The following STXBP6 variants were observed in gnomAD, a reference collection of about 807,000 sequenced individuals.
The protein encoded by STXBP6 is syntaxin binding protein 6.
Under a neutral mutation model 26.9 loss-of-function variants are expected in STXBP6, and 21 were observed. The ratio of observed to expected loss-of-function variants is 0.78; its 90% CI spans 0.55 to 1.12. STXBP6 has a LOEUF of 1.12. Ranked by LOEUF, STXBP6 falls within the 50% of genes most tolerant of loss-of-function variation. The probability of loss-of-function intolerance (pLI) is 0.00; values close to 1 mark genes in which losing one functional copy is unlikely to be tolerated. For synonymous variants in STXBP6, 97 were observed against 92.6 expected (o/e 1.05, Z -0.27); for missense variants, 232 against 257.9 (o/e 0.90, Z 0.69).
chr14:24,990,479 C>G (rs1409779761), intron 1 of STXBP6, among the ~76,000 whole-genome samples: 1 of 151,952 alleles, frequency 6.6e-6, no homozygotes, highest in Non-Finnish European at 1.5e-5. Context: ...ACTAACATGG[C>G]AAAACCCCAT....
chr14:24,899,171 T>C (rs2071111469), intron 2 of STXBP6, among the ~76,000 whole-genome samples: 1 of 152,162 alleles, frequency 6.6e-6, no homozygotes, highest in Non-Finnish European at 1.5e-5. Flanking sequence ...AACCAATATA[T>C]ATAATAACAC....
At chr14:24,892,653 C>T (rs1404756855) in intron 2 of STXBP6, among the ~76,000 whole-genome samples, 4 of 152,168 alleles carry the variant, frequency 2.6e-5, no homozygotes, top group Non-Finnish European at 5.9e-5. Flanking sequence ...GAGCAGGTTT[C>T]TGAACTCTGG....
chr14:24,839,095 C>T lies in STXBP6; in HGVS notation c.451+16841G>A, dbSNP rs186264969. On this transcript the variant is annotated intron_variant, in intron 4 of 5. Transcript: ENST00000323944. ...CTGGGAGCCTGGCCAAGCAACTACA[C>T]GGGAGTTGAGTTCTGTGATTGTGAG... Among the ~76,000 whole-genome samples, 79 of 152,242 alleles carry T rather than the reference C, an allele frequency of 5.2e-4. 1 individual carries two copies. The East Asian group carries it at 0.013, about 25-fold the overall frequency.
intron 2 of STXBP6, among the ~76,000 whole-genome samples, chr14:24,876,831 T>G (rs549726422): frequency 1.3e-4 from 20 of 152,344 alleles, no homozygotes; most frequent in African/African-American, 3.4e-4. Context: ...AGAGCAATGA[T>G]GAATCAGATG....
chr14:24,941,194 C>T (rs1490813053), intron 2 of STXBP6, among the ~76,000 whole-genome samples: 1 of 152,166 alleles, frequency 6.6e-6, no homozygotes, highest in Non-Finnish European at 1.5e-5. Flanking sequence ...ATGCCACACA[C>T]CATGCTAGAT....
intron 2 of STXBP6, among the ~76,000 whole-genome samples, chr14:24,959,481 T>C (rs757824661): frequency 6.6e-6 from 1 of 152,202 alleles, no homozygotes. Context: ...CTCAGAGCTA[T>C]GTTATTTTAA....
At chr14:24,973,379 CTTTT>C (rs1057437135) in intron 2 of STXBP6, among the ~76,000 whole-genome samples, 1 of 76,802 alleles carries the variant, frequency 1.3e-5, no homozygotes. Context: ...AGCTTTCTTC[CTTTT>C]TTTTTTTTTT....
intron 1 of STXBP6, among the ~76,000 whole-genome samples, chr14:25,022,792 C>T (rs1239373353): frequency 6.6e-6 from 1 of 152,122 alleles, no homozygotes; most frequent in Admixed American, 6.5e-5. Flanking sequence ...ACTGAAAATG[C>T]CACATTTTTA....
intron 3 of STXBP6, 135 bp downstream of exon 3, chr14:24,856,892 G>A: frequency 8.8e-7 from 1 of 1,138,954 alleles, no homozygotes; most frequent in Non-Finnish European, 1.2e-6. Flanking sequence ...GTATCCGAAA[G>A]TTTTAATCAC....
intron 2 of STXBP6, among the ~76,000 whole-genome samples, chr14:24,905,839 TC>T (rs1287061692): frequency 6.6e-6 from 1 of 152,192 alleles, no homozygotes; most frequent in Non-Finnish European, 1.5e-5. Flanking sequence ...ACAGAACTTT[TC>T]CCTTCCACAC....
chr14:24,958,732 C>T (rs1362917344), intron 2 of STXBP6, among the ~76,000 whole-genome samples: 2 of 151,968 alleles, frequency 1.3e-5, no homozygotes, highest in Non-Finnish European at 2.9e-5. Flanking sequence ...TATCAAGTTG[C>T]ATTTTTTTTT....
intron 1 of STXBP6, among the ~76,000 whole-genome samples, chr14:25,037,244 C>T (rs190071178): frequency 5.3e-5 from 8 of 152,238 alleles, no homozygotes; most frequent in African/African-American, 1.9e-4. Flanking sequence ...CCGGAGAGCT[C>T]CTGGGACTCT....
At chr14:24,939,595 G>A (rs866506242) in intron 2 of STXBP6, among the ~76,000 whole-genome samples, 2 of 151,788 alleles carry the variant, frequency 1.3e-5, no homozygotes, top group South Asian at 2.1e-4. Flanking sequence ...TGTTGAATTC[G>A]TATGTATACT....
Position 25,049,947 on chromosome 14 carries a change from C to CG in STXBP6, c.-103dup. The CG allele has an allele frequency of 6.6e-6, 6 of 912,666 alleles. No individual in the cohort carries two copies. The highest frequency in any genetic ancestry group is 7.8e-6 in the Non-Finnish European group (6 of 764,450). The allele number at this position is 912,666 out of a possible 1,614,324, so 56.5% of individuals were successfully genotyped here. ...CGTCCCAGAGCACGAGGCTCCTCCC[C>CG]GGGGGGCTGCCCCGCGCGGGGCTCC... On this transcript the variant is annotated 5_prime_UTR_variant, in exon 1 of 6. Transcript: ENST00000323944. The surrounding 1 kb of genome is among the most constrained non-coding windows in gnomAD (Gnocchi z 5.6).
chr14:24,980,587 A>T (rs1032332235), intron 1 of STXBP6, among the ~76,000 whole-genome samples: 1 of 152,204 alleles, frequency 6.6e-6, no homozygotes, highest in Non-Finnish European at 1.5e-5. Context: ...TAAAAGTACA[A>T]TCACTTCAAG....
At chr14:24,863,088 T>C (rs1416111077) in intron 2 of STXBP6, among the ~76,000 whole-genome samples, 1 of 152,174 alleles carries the variant, frequency 6.6e-6, no homozygotes, top group African/African-American at 2.4e-5. Flanking sequence ...GATTTTTATT[T>C]TGAAAGGATA....
chr14:24,958,193 T>C (rs1178353023), intron 2 of STXBP6, among the ~76,000 whole-genome samples: 2 of 152,188 alleles, frequency 1.3e-5, no homozygotes, highest in Admixed American at 6.5e-5. Flanking sequence ...AATATTTCAA[T>C]ACAAATCTCT....
intron 4 of STXBP6, among the ~76,000 whole-genome samples, chr14:24,829,929 G>T (rs1329356986): frequency 1.3e-5 from 2 of 152,096 alleles, no homozygotes; most frequent in Non-Finnish European, 2.9e-5. Flanking sequence ...AATTTTCCAG[G>T]TTGTTAACAA....
chr14:24,905,949 T>C (rs2071372065), intron 2 of STXBP6, among the ~76,000 whole-genome samples: 1 of 152,106 alleles, frequency 6.6e-6, no homozygotes, highest in African/African-American at 2.4e-5. Flanking sequence ...TTGTAATAAG[T>C]AGTAGTTATA....
Sources: allele counts gnomAD v4.1 joint callset (sites outside exome capture counted in the v4.1 genomes callset), GRCh38; gene constraint gnomAD v4.1.1; non-coding constraint Gnocchi (gnomAD v3.1); transcripts MANE v1.5; gene names NCBI Gene and HGNC (gene_info 2026-07-23, HGNC 2026-07-21).